The following P2RX7 variants were observed in gnomAD, a reference collection of about 807,000 sequenced individuals.
P2RX7 encodes the protein purinergic receptor P2X 7.
P2RX7 carries 62 observed loss-of-function variants against 71.6 expected under a neutral mutation model. The ratio of observed to expected loss-of-function variants is 0.87; its 90% CI spans 0.71 to 1.07. The LOEUF is 1.07. Among genes scored for constraint, P2RX7 ranks in the 50% least tolerant of loss-of-function variants. P2RX7 has a pLI of 0.00. For synonymous variants in P2RX7, 299 were observed against 283.3 expected (o/e 1.06, Z -0.56); for missense variants, 686 against 748.5 (o/e 0.92, Z 0.97).
chr12:121,175,604 T>C (rs1882977969), intron 9 of P2RX7, 126 bp downstream of exon 9: 1 of 635,578 alleles, frequency 1.6e-6, no homozygotes, highest in East Asian at 2.7e-5. Flanking sequence ...ATTTCGCACA[T>C]GGGATAAAAG....
chr12:121,175,321 A>C (rs1882910619), intron 8 of P2RX7, 67 bp from the exon 9 acceptor site: 1 of 977,196 alleles, frequency 1.0e-6, no homozygotes, highest in South Asian at 1.5e-5. Context: ...AAAAAAAAAA[A>C]AAAAAAAACC....
rs757259743 is a variant in P2RX7, at chr12:121,165,350, C to T, written c.534-7C>T. 6.2e-7 allele frequency: 1 copy of T among 1,613,286 alleles called. No homozygotes were observed. On this transcript the variant is annotated splice_region_variant and splice_polypyrimidine_tract_variant and intron_variant, in intron 5 of 12. Coordinates refer to ENST00000328963, the MANE Select transcript of P2RX7 (RefSeq NM_002562.6). ...ACTAATGGCCATTTTGCATGTCTCT[C>T]TCCCAGGCCTGCTCTCTTGAACAGT...
chr12:121,148,162 A>G (rs1236252462), intron 1 of P2RX7, among the ~76,000 whole-genome samples: 2 of 151,990 alleles, frequency 1.3e-5, no homozygotes, highest in African/African-American at 2.4e-5. Context: ...CCCATTGCCT[A>G]TGGGAATGAC....
At chr12:121,134,480 C>G (rs1245416457) in intron 1 of P2RX7, among the ~76,000 whole-genome samples, 1 of 152,172 alleles carries the variant, frequency 6.6e-6, no homozygotes, top group Non-Finnish European at 1.5e-5. Flanking sequence ...CAACCTCCAC[C>G]TCCCCGGTTC....
At position 121,165,416 on chromosome 12, in the gene P2RX7, T is replaced by A; in HGVS notation, c.593T>A (p.Phe198Tyr). The A allele has an allele frequency of 1.2e-6, 2 of 1,613,854 alleles. No homozygotes were observed. The highest frequency in any genetic ancestry group is 8.5e-7 in the Non-Finnish European group (1 of 1,179,918). ...FTVLIKNNID[F>Y]PGHNYTTRNI... is the part of the protein sequence containing the mutation. The stretch of plus-strand genomic sequence containing the variant: ...GTGCTCATCAAGAACAATATCGACT[T>A]CCCCGGCCACAACTACACCACGTAA... The change falls in exon 6 of 13, where the codon TTC (phenylalanine) becomes TAC (tyrosine). Residue 198 changes from phenylalanine to tyrosine, a missense_variant. By Grantham distance (22) the Phe-to-Tyr change is conservative. Coordinates refer to ENST00000328963, the MANE Select transcript of P2RX7 (RefSeq NM_002562.6).
At chr12:121,169,410 G>C (rs1271312964) in intron 8 of P2RX7, among the ~76,000 whole-genome samples, 1 of 152,108 alleles carries the variant, frequency 6.6e-6, no homozygotes, top group Non-Finnish European at 1.5e-5. Flanking sequence ...CCTATTATCT[G>C]AAGTAACTTG....
rs764035327 is a variant in P2RX7 at position 121,177,206 on chromosome 12, C to T, written c.1032C>T (p.Phe344=). The change falls in exon 10 of 13, where the codon TTC becomes TTT. Residue 344 remains phenylalanine, a synonymous_variant. Coordinates refer to ENST00000328963, the MANE Select transcript of P2RX7 (RefSeq NM_002562.6). Reference sequence around the variant, plus strand: ...ACATCGGCTCAACCCTCTCCTACTTCGGTCTGGTAAGAGATTCTCTTTTCC... The same window carrying T: ...ACATCGGCTCAACCCTCTCCTACTTTGGTCTGGTAAGAGATTCTCTTTTCC... ...VVYIGSTLSY[F]GLAAVFIDFL... 17 of 1,614,030 alleles carry T rather than the reference C, an allele frequency of 1.1e-5. No individual in the cohort carries two copies. The highest frequency in any genetic ancestry group is 5.0e-5 in the Admixed American group (3 of 60,008).
At position 121,178,151 on chromosome 12, in the gene P2RX7, A is replaced by G. The variant is rs1414892516; in HGVS notation, c.1188+705A>G. ...TACAGCCTGGCATTTTCAGTTCTCC[A>G]TACCTGCCCTAGAGAAACACTCACA... On this transcript the variant is annotated intron_variant, in intron 11 of 12. Coordinates refer to ENST00000328963, the MANE Select transcript of P2RX7 (RefSeq NM_002562.6). Among the ~76,000 whole-genome samples, 8 of 152,326 alleles carry G rather than the reference A, an allele frequency of 5.3e-5. No individual in the cohort carries two copies. In the East Asian group the frequency reaches 1.5e-3, roughly 29 times the overall value.
In P2RX7 at chr12:121,188,021, G is replaced by A. The variant is rs1885038580; in HGVS notation, c.*3219G>A. The A allele has an allele frequency of 6.6e-6, 1 of 152,092 alleles. No individual in the cohort carries two copies. Among genetic ancestry groups the A allele is most frequent in the Non-Finnish European group, 1.5e-5 (1 of 68,026 alleles). 9.4% of individuals were successfully genotyped at this position (152,092 alleles called of 1,614,324 possible). A position where few individuals can be genotyped will look rare whatever the true frequency, so the allele number is the denominator to read the frequency against. ...TGACTGTTTTGATAATTAAAAAAAGGTATATAATTTATTTAAATCTTCATT... is the reference window on the plus strand; with the variant it reads ...TGACTGTTTTGATAATTAAAAAAAGATATATAATTTATTTAAATCTTCATT... On this transcript the variant is annotated 3_prime_UTR_variant, in exon 13 of 13. Transcript: ENST00000328963.
At position 121,155,208 on chromosome 12, in the gene P2RX7, G is replaced by T. The variant is rs961509357; in HGVS notation, c.294+255G>T. 3.5e-6 allele frequency: 5 copies of T among 1,448,736 alleles called. No individual in the cohort carries two copies. The African/African-American group carries it at 7.0e-5, about 20-fold the overall frequency. The allele number at this position is 1,448,736 out of a possible 1,614,324, so 89.7% of individuals were successfully genotyped here. Reference sequence around the variant, plus strand: ...TCCTGGTGCATTGAAAACAGGATTTGATTCACTCGCGCTTGATTTACCCGC... The same window carrying T: ...TCCTGGTGCATTGAAAACAGGATTTTATTCACTCGCGCTTGATTTACCCGC... On this transcript the variant is annotated intron_variant, in intron 2 of 12. Coordinates refer to ENST00000328963, the MANE Select transcript of P2RX7 (RefSeq NM_002562.6).
At chr12:121,172,997 A>G (rs1306482802) in intron 8 of P2RX7, among the ~76,000 whole-genome samples, 2 of 152,216 alleles carry the variant, frequency 1.3e-5, no homozygotes. Flanking sequence ...AAGTTTTATG[A>G]AGCGTTCATT....
intron 3 of P2RX7, among the ~76,000 whole-genome samples, chr12:121,158,857 T>C (rs1376077272): frequency 6.6e-6 from 1 of 152,194 alleles, no homozygotes; most frequent in Non-Finnish European, 1.5e-5. Context: ...TGATCACACA[T>C]TCATTCCTTC....
At chr12:121,161,330 CA>C (rs1324284897) in intron 4 of P2RX7, among the ~76,000 whole-genome samples, 2 of 152,224 alleles carry the variant, frequency 1.3e-5, no homozygotes, top group Admixed American at 1.3e-4. Context: ...GGGAACCTGG[CA>C]GCAATACCCA....
intron 11 of P2RX7, 68 bp from the exon 12 acceptor site, chr12:121,180,286 C>T: frequency 3.6e-6 from 3 of 837,046 alleles, no homozygotes; most frequent in Non-Finnish European, 3.8e-6. Context: ...ATTACAGTTG[C>T]CTTTAGATAG....
intron 3 of P2RX7, among the ~76,000 whole-genome samples, chr12:121,156,408 C>G (rs1298942150): frequency 6.6e-6 from 1 of 152,232 alleles, no homozygotes; most frequent in African/African-American, 2.4e-5. Context: ...AGACGGCAAC[C>G]CTGCTCTTTC....
At chr12:121,136,788 A>G (rs1298984519) in intron 1 of P2RX7, among the ~76,000 whole-genome samples, 1 of 151,536 alleles carries the variant, frequency 6.6e-6, no homozygotes, top group Non-Finnish European at 1.5e-5. Flanking sequence ...CTGGGACCAC[A>G]GGTGTACACC....
intron 4 of P2RX7, among the ~76,000 whole-genome samples, chr12:121,161,461 A>G (rs1879688298): frequency 6.6e-6 from 1 of 152,050 alleles, no homozygotes; most frequent in African/African-American, 2.4e-5. Flanking sequence ...TGCTATTGCG[A>G]TACCTGCAGA....
chr12:121,181,263 T>C (rs897772730), intron 12 of P2RX7, among the ~76,000 whole-genome samples: 2 of 152,218 alleles, frequency 1.3e-5, no homozygotes, highest in South Asian at 2.1e-4. Context: ...TCTCATTGTA[T>C]AATTCTGTTT....
chr12:121,166,079 A>T lies in P2RX7; in HGVS notation c.636A>T (p.Leu212Phe). The change falls in exon 7 of 13, where the codon TTA becomes TTT. Residue 212 changes from leucine (L) to phenylalanine (F), a missense_variant. By Grantham distance (22) the Leu-to-Phe change is conservative (BLOSUM62 0). Coordinates refer to ENST00000328963, the MANE Select transcript of P2RX7 (RefSeq NM_002562.6). ...NYTTRNILPG[L>F]NITCTFHKTQ... ...ACAGGAGAAACATCCTGCCAGGTTT[A>T]AACATCACTTGTACCTTCCACAAGA... 6.2e-7 allele frequency: 1 copy of T among 1,613,596 alleles called. No homozygotes were observed. The highest frequency in any genetic ancestry group is 8.5e-7 in the Non-Finnish European group (1 of 1,179,518).
Sources: gnomAD v4.1 joint callset for allele counts (sites outside exome capture counted in the v4.1 genomes callset) on GRCh38, gnomAD v4.1.1 for gene constraint, MANE v1.5 for transcripts, NCBI Gene and HGNC (gene_info 2026-07-23, HGNC 2026-07-21) for gene names.